The following CMTR1 variants were observed in gnomAD, a reference collection of about 807,000 sequenced individuals.
CMTR1 encodes cap-specific mRNA (nucleoside-2'-O-)-methyltransferase 1.
Under a neutral mutation model 107.0 loss-of-function variants are expected in CMTR1, and 39 were observed. The ratio of observed to expected loss-of-function variants is 0.36; its 90% CI spans 0.28 to 0.48. The LOEUF (loss-of-function observed/expected upper bound fraction) is 0.48. Ranked by LOEUF, CMTR1 falls within the 20% of genes least tolerant of loss-of-function variation. CMTR1 has a pLI of 0.99. For missense variants in CMTR1, 672 were observed against 1,064.9 expected, an observed-to-expected ratio of 0.63 and a Z score of 5.14; for synonymous variants, 366 against 379.5, an observed-to-expected ratio of 0.96 and a Z score of 0.41.
chr6:37,446,662 ACTGT>A (rs1771803887), intron 4 of CMTR1, among the ~76,000 whole-genome samples: 1 of 152,222 alleles, frequency 6.6e-6, no homozygotes, highest in South Asian at 2.1e-4. Flanking sequence ...GCATTATAGG[ACTGT>A]CTAAGACCAA....
chr6:37,451,976 G>A (rs1161214567), intron 6 of CMTR1, 99 bp downstream of exon 6: 39 of 978,292 alleles, frequency 4.0e-5, no homozygotes, highest in East Asian at 1.2e-4. Flanking sequence ...GGAAGCTAAA[G>A]TTAAGATTTT....
At position 37,480,423 on chromosome 6, in the gene CMTR1, C is replaced by T; in HGVS notation, c.*278C>T. On this transcript the variant is annotated 3_prime_UTR_variant, in exon 24 of 24. Transcript: ENST00000373451. ...TCCTGAGGCAGGTATGAGGTCAGTG[C>T]CTAGGGCACGTGGGACTGATGGAGG... 7.9e-7 allele frequency: 1 copy of T among 1,268,734 alleles called. No individual in the cohort carries two copies. The highest frequency in any genetic ancestry group is 4.4e-5 in the Admixed American group (1 of 22,952). The allele number at this position is 1,268,734 out of a possible 1,614,324, so 78.6% of individuals were successfully genotyped here.
intron 2 of CMTR1, among the ~76,000 whole-genome samples, chr6:37,441,301 G>T (rs1468271477): frequency 6.6e-6 from 1 of 152,130 alleles, no homozygotes; most frequent in Non-Finnish European, 1.5e-5. Flanking sequence ...CATTTAGAAG[G>T]CCTTTCCCCT....
intron 13 of CMTR1, among the ~76,000 whole-genome samples, chr6:37,470,520 A>G (rs1038755540): frequency 9.9e-5 from 15 of 152,064 alleles, no homozygotes; most frequent in Admixed American, 3.9e-4. Flanking sequence ...GAGAATTCCA[A>G]CATTTGGGCC....
chr6:37,426,104 T>A, the CMTR1 span, among the ~76,000 whole-genome samples: 2 of 152,332 alleles, frequency 1.3e-5, no homozygotes, highest in East Asian at 3.9e-4. Flanking sequence ...ATTATTGTAC[T>A]TTTCAGCTCC....
chr6:37,449,277 T>TGTTAC (rs1306178392), intron 4 of CMTR1, among the ~76,000 whole-genome samples: 1 of 148,872 alleles, frequency 6.7e-6, no homozygotes, highest in East Asian at 2.0e-4. Context: ...TGTTTTGTTA[T>TGTTAC]GTTATGTTAT....
the CMTR1 span, among the ~76,000 whole-genome samples, chr6:37,424,944 C>CT: frequency 7.3e-3 from 737 of 101,374 alleles, 11 homozygotes; most frequent in Middle Eastern, 0.02. Flanking sequence ...TTTTCCCTCA[C>CT]TTTTTTTTTT....
chr6:37,480,433 G>T lies in CMTR1; in HGVS notation c.*288G>T. On this transcript the variant is annotated 3_prime_UTR_variant, in exon 24 of 24. Transcript: ENST00000373451. The stretch of plus-strand genomic sequence containing the variant: ...GGTATGAGGTCAGTGCCTAGGGCAC[G>T]TGGGACTGATGGAGGACATATCAGA... The T allele has an allele frequency of 8.0e-7, 1 of 1,242,542 alleles. No homozygotes were observed. The highest frequency in any genetic ancestry group is 1.0e-6 in the Non-Finnish European group (1 of 991,398). 77.0% of individuals were successfully genotyped at this position (1,242,542 alleles called of 1,614,324 possible).
chr6:37,481,107 T>C lies in CMTR1; in HGVS notation c.*962T>C. The C allele has an allele frequency of 7.7e-7, 1 of 1,304,304 alleles. No homozygotes were observed. The highest frequency in any genetic ancestry group is 1.0e-6 in the Non-Finnish European group (1 of 988,950). The allele number at this position is 1,304,304 out of a possible 1,614,324, so 80.8% of individuals were successfully genotyped here. A position where few individuals can be genotyped will look rare whatever the true frequency, so the allele number is the denominator to read the frequency against. The stretch of plus-strand genomic sequence containing the variant: ...CCCTTACTACCCTTTCCCTTCCTTT[T>C]TCTTCCCTAATAGGAGGTACAATCT... On this transcript the variant is annotated 3_prime_UTR_variant, in exon 24 of 24. Transcript: ENST00000373451.
At chr6:37,463,147 G>C in intron 13 of CMTR1, 139 bp downstream of exon 13, 1 of 842,872 alleles carries the variant, frequency 1.2e-6, no homozygotes, top group Non-Finnish European at 1.9e-6. Flanking sequence ...GCTGGTTTCA[G>C]GGCTCCCTGG....
At chr6:37,430,231 T>C (rs1368220061), upstream of CMTR1, among the ~76,000 whole-genome samples, 2 of 152,248 alleles carry the variant, frequency 1.3e-5, no homozygotes, top group Non-Finnish European at 2.9e-5. Flanking sequence ...ATTTACTTTA[T>C]ACTTTACCAT....
At position 37,472,324 on chromosome 6, in the gene CMTR1, C is replaced by A; in HGVS notation, c.1621-95C>A. The A allele has an allele frequency of 9.0e-7, 1 of 1,109,080 alleles. No individual in the cohort carries two copies. Among genetic ancestry groups the A allele is most frequent in the Non-Finnish European group, 1.4e-6 (1 of 724,302 alleles). 68.7% of individuals were successfully genotyped at this position (1,109,080 alleles called of 1,614,324 possible). A position where few individuals can be genotyped will look rare whatever the true frequency, so the allele number is the denominator to read the frequency against. On this transcript the variant is annotated intron_variant, in intron 15 of 23. Transcript: ENST00000373451. The surrounding 1 kb of genome is among the most constrained non-coding windows in gnomAD (Gnocchi z 4.1). ...TTTGTTGTGTGCCATTCCTCCTCCC[C>A]AGTCTGACCCTATCTCCTCCACCTG...
At chr6:37,477,501 G>A in intron 20 of CMTR1, 91 bp from the exon 21 acceptor site, 2 of 1,194,950 alleles carry the variant, frequency 1.7e-6, no homozygotes, top group Non-Finnish European at 2.5e-6. Flanking sequence ...CAGAAGCCAA[G>A]GTCAAGTGCA....
chr6:37,476,492 T>C (rs371477421), intron 20 of CMTR1, among the ~76,000 whole-genome samples: 23 of 152,294 alleles, frequency 1.5e-4, no homozygotes, highest in African/African-American at 5.5e-4. Flanking sequence ...CACTTGAGCA[T>C]TGTTAGCACA....
rs554384769 is a variant in CMTR1 at position 37,462,206 on chromosome 6, C to T, written c.1325+104C>T. On this transcript the variant is annotated intron_variant, in intron 12 of 23. Coordinates refer to ENST00000373451, the MANE Select transcript of CMTR1 (RefSeq NM_015050.3). ...TGACCTCTTAAGCTACGTTTAAAAC[C>T]TTGACTTTAAAGAAGTGATGAGAGC... 67 of 1,393,170 alleles carry T rather than the reference C, an allele frequency of 4.8e-5. No homozygotes were observed. In the East Asian group the frequency reaches 6.4e-4, roughly 13 times the overall value. 86.3% of individuals were successfully genotyped at this position (1,393,170 alleles called of 1,614,324 possible). A position where few individuals can be genotyped will look rare whatever the true frequency, so the allele number is the denominator to read the frequency against.
In CMTR1 at chr6:37,453,252, G is replaced by A. The variant is rs758580915; in HGVS notation, c.717G>A (p.Lys239=). 3 of 1,614,210 alleles carry A rather than the reference G, an allele frequency of 1.9e-6. No individual in the cohort carries two copies. Among genetic ancestry groups the A allele is most frequent in the Non-Finnish European group, 1.7e-6 (2 of 1,180,042 alleles). ...GVFFLNRAAM[K]MANMDFVFDR... is the part of the protein sequence containing the mutation. ...TGCTTTATTGCAGGGCAGCAATGAA[G>A]ATGGCTAACATGGATTTTGTATTTG... Residue 239 remains lysine, a synonymous_variant, in exon 8 of 24, where the codon AAG becomes AAA. Coordinates refer to ENST00000373451, the MANE Select transcript of CMTR1 (RefSeq NM_015050.3).
At chr6:37,478,342 G>T in intron 21 of CMTR1, 67 bp from the exon 22 acceptor site, 1 of 1,258,516 alleles carries the variant, frequency 7.9e-7, no homozygotes, top group Non-Finnish European at 1.2e-6. Flanking sequence ...GATTTTATTA[G>T]TCAGAGACTA....
chr6:37,475,558 T>C, intron 19 of CMTR1, 146 bp downstream of exon 19: 1 of 684,216 alleles, frequency 1.5e-6, no homozygotes, highest in Non-Finnish European at 2.5e-6. Context: ...CACTGACTGG[T>C]CCCAAAGTCA....
upstream of CMTR1, among the ~76,000 whole-genome samples, chr6:37,429,798 C>T (rs961599165): frequency 6.6e-6 from 1 of 152,080 alleles, no homozygotes; most frequent in Non-Finnish European, 1.5e-5. Context: ...ATTAGCCAGG[C>T]GTGGTGGCAT....
Sources: gnomAD v4.1 joint callset for allele counts (sites outside exome capture counted in the v4.1 genomes callset) on GRCh38, gnomAD v4.1.1 for gene constraint, Gnocchi (gnomAD v3.1) non-coding constraint, MANE v1.5 for transcripts, NCBI Gene and HGNC (gene_info 2026-07-23, HGNC 2026-07-21) for gene names.